Variants in FER observed in about 807,000 individuals in gnomAD.
The protein encoded by FER is FER tyrosine kinase.
Under a neutral mutation model 111.0 loss-of-function variants are expected in FER, and 63 were observed. The observed-to-expected ratio is 0.57, with a 90% CI of 0.46 to 0.70. The LOEUF is 0.70. Among genes scored for constraint, FER ranks in the 30% least tolerant of loss-of-function variants. The probability of loss-of-function intolerance (pLI) is 0.00; values close to 1 mark genes in which losing one functional copy is unlikely to be tolerated. For synonymous variants in FER, 327 were observed against 313.9 expected, an observed-to-expected ratio of 1.04 and a Z score of -0.44; for missense variants, 914 against 954.0, an observed-to-expected ratio of 0.96 and a Z score of 0.55.
chr5:108,844,126 A>AACACATG (rs1761619188), intron 5 of FER, among the ~76,000 whole-genome samples: 1 of 150,962 alleles, frequency 6.6e-6, no homozygotes, highest in Admixed American at 6.6e-5. Context: ...GAACACATAT[A>AACACATG]TGTGTGTGAA....
At chr5:109,186,169 C>T in intron 18 of FER, 31 bp from the exon 19 acceptor site, 1 of 1,614,030 alleles carries the variant, frequency 6.2e-7, no homozygotes, top group Non-Finnish European at 8.5e-7. Context: ...TACTGTGCCT[C>T]ATGTGGTTAT....
At chr5:108,860,501 T>C (rs1220163654) in intron 5 of FER, among the ~76,000 whole-genome samples, 1 of 152,238 alleles carries the variant, frequency 6.6e-6, no homozygotes, top group Non-Finnish European at 1.5e-5. Context: ...CTGAGACTAG[T>C]ACTGACTTTT....
At chr5:108,940,806 G>A (rs1756153079) in intron 10 of FER, among the ~76,000 whole-genome samples, 3 of 152,078 alleles carry the variant, frequency 2.0e-5, no homozygotes, top group Non-Finnish European at 4.4e-5. Flanking sequence ...TATGTAGGGT[G>A]TGTTTCTGAT....
chr5:109,094,398 A>G (rs900988867), intron 16 of FER, among the ~76,000 whole-genome samples: 21 of 152,156 alleles, frequency 1.4e-4, no homozygotes, highest in African/African-American at 4.8e-4. Flanking sequence ...GAGGGCCAAC[A>G]TGATACTCAA....
At chr5:108,932,713 A>T (rs1435352347) in intron 10 of FER, among the ~76,000 whole-genome samples, 2 of 152,086 alleles carry the variant, frequency 1.3e-5, no homozygotes, top group Non-Finnish European at 1.5e-5. Context: ...AATGATTACC[A>T]TTCTAGCTGG....
chr5:109,135,452 T>C lies in FER; in HGVS notation c.2048+34933T>C, dbSNP rs936654925. On this transcript the variant is annotated intron_variant, in intron 17 of 19. Transcript: ENST00000281092. The stretch of plus-strand genomic sequence containing the variant: ...GCTCTTAATAGTGTGGGGCTTTTTG[T>C]ATTTAATTAGACATATGTAACTGAC... Among the ~76,000 whole-genome samples the C allele has an allele frequency of 3.3e-5, 5 of 152,334 alleles. No homozygotes were observed. In the East Asian group the frequency reaches 5.8e-4, roughly 18 times the overall value.
intron 13 of FER, among the ~76,000 whole-genome samples, chr5:108,997,813 T>A (rs1309708755): frequency 1.3e-5 from 2 of 152,128 alleles, no homozygotes; most frequent in Non-Finnish European, 2.9e-5. Flanking sequence ...TGCCTTTTTT[T>A]CAGAGATGCC....
Position 109,187,669 on chromosome 5 carries a change from C to T in FER, c.*94C>T, listed in dbSNP as rs1231027099. ...TAACAATGAATTTATACCACATTAC[C>T]TTCGACAGTCTTCTACCATTATTTT... On this transcript the variant is annotated 3_prime_UTR_variant, in exon 20 of 20. Transcript: ENST00000281092. 1.2e-5 allele frequency: 17 copies of T among 1,370,712 alleles called. No homozygotes were observed. Among genetic ancestry groups the T allele is most frequent in the Admixed American group, 4.5e-5 (2 of 44,846 alleles). 84.9% of individuals were successfully genotyped at this position (1,370,712 alleles called of 1,614,324 possible). A position where few individuals can be genotyped will look rare whatever the true frequency, so the allele number is the denominator to read the frequency against.
intron 13 of FER, among the ~76,000 whole-genome samples, chr5:108,993,295 G>A (rs1763504505): frequency 2.0e-5 from 3 of 152,226 alleles, no homozygotes; most frequent in African/African-American, 7.2e-5. Flanking sequence ...CCGGCACCTC[G>A]GGAGGCCGAG....
intron 16 of FER, among the ~76,000 whole-genome samples, chr5:109,085,039 A>C (rs950869857): frequency 6.6e-6 from 1 of 151,836 alleles, no homozygotes; most frequent in Non-Finnish European, 1.5e-5. Context: ...TTCTTCTGCA[A>C]CGTTTTTTCT....
chr5:109,140,321 C>T (rs1582216383), intron 17 of FER, among the ~76,000 whole-genome samples: 1 of 152,284 alleles, frequency 6.6e-6, no homozygotes, highest in Non-Finnish European at 1.5e-5. Flanking sequence ...GCACCATTAA[C>T]AGCATCTTGA....
At chr5:108,952,920 T>A (rs76625049) in intron 11 of FER, among the ~76,000 whole-genome samples, 2,601 of 152,142 alleles carry the variant, frequency 0.017, 43 homozygotes, top group Non-Finnish European at 0.026. Flanking sequence ...CGTTGACCTT[T>A]TAGAGAGACA....
At chr5:109,150,497 A>G (rs1390911708) in intron 17 of FER, among the ~76,000 whole-genome samples, 1 of 152,178 alleles carries the variant, frequency 6.6e-6, no homozygotes, top group Non-Finnish European at 1.5e-5. Context: ...ATGATTGTTT[A>G]CATAGCTACC....
chr5:108,756,781 A>G (rs1751163343), intron 1 of FER, among the ~76,000 whole-genome samples: 1 of 152,140 alleles, frequency 6.6e-6, no homozygotes, highest in East Asian at 1.9e-4. Flanking sequence ...CTACACACAC[A>G]CACATTTTTT....
intron 17 of FER, among the ~76,000 whole-genome samples, chr5:109,143,723 T>TTTTTG (rs1561950376): frequency 6.6e-6 from 1 of 151,386 alleles, no homozygotes; most frequent in Non-Finnish European, 1.5e-5. Flanking sequence ...GTTTTGTTTT[T>TTTTTG]TTTTGAAAGT....
intron 17 of FER, among the ~76,000 whole-genome samples, chr5:109,173,762 C>A (rs980266723): frequency 1.4e-5 from 2 of 147,552 alleles, no homozygotes; most frequent in Admixed American, 6.8e-5. Context: ...TACCTCCCCC[C>A]CCCCCACAAG....
chr5:109,166,305 A>C (rs1582349341), intron 17 of FER, among the ~76,000 whole-genome samples: 2 of 152,224 alleles, frequency 1.3e-5, no homozygotes, highest in East Asian at 3.9e-4. Context: ...AAGCCGGTTA[A>C]AATGAGTTCA....
In FER at chr5:108,883,510, G is replaced by T; in HGVS notation, c.1038G>T (p.Lys346Asn). 1 of 1,600,960 alleles carries T rather than the reference G, an allele frequency of 6.2e-7. No individual in the cohort carries two copies. ...RIEESSETCE[K>N]KSDIVLLLSQ... Reference sequence around the variant, plus strand: ...AAGAATCTTCTGAAACTTGTGAGAAGAAGTCTGAGTGAGTAAAAGAGAAAC... The same window carrying T: ...AAGAATCTTCTGAAACTTGTGAGAATAAGTCTGAGTGAGTAAAAGAGAAAC... The change falls in exon 9 of 20, where the codon AAG (lysine) becomes AAT (asparagine). Residue 346 changes from lysine (K) to asparagine (N), a missense_variant. Transcript: ENST00000281092.
chr5:109,078,087 A>G (rs542996960), intron 16 of FER, among the ~76,000 whole-genome samples: 7 of 152,320 alleles, frequency 4.6e-5, no homozygotes, highest in African/African-American at 1.7e-4. Context: ...GCTGGGCCCA[A>G]GAAGTATCCA....
Sources: gnomAD v4.1 joint callset for allele counts (sites outside exome capture counted in the v4.1 genomes callset) on GRCh38, gnomAD v4.1.1 for gene constraint, MANE v1.5 for transcripts, NCBI Gene and HGNC (gene_info 2026-07-23, HGNC 2026-07-21) for gene names.